ATAD2B: variants seen among roughly 807,000 people sequenced by gnomAD.
The protein encoded by ATAD2B is ATPase family AAA domain containing 2B.
ATAD2B carries 40 observed loss-of-function variants against 167.6 expected under a neutral mutation model. That is an observed-to-expected ratio of 0.24 (90% CI 0.19 to 0.31). The LOEUF (loss-of-function observed/expected upper bound fraction) is 0.31. ATAD2B is among the 10% of genes least tolerant of loss of function. ATAD2B has a pLI of 1.00. For synonymous variants in ATAD2B, 579 were observed against 596.5 expected (o/e 0.97, Z 0.43); for missense variants, 1,242 against 1,757.2 (o/e 0.71, Z 5.24).
chr2:23,736,690 T>A, the ATAD2B span, among the ~76,000 whole-genome samples: 1 of 152,028 alleles, frequency 6.6e-6, no homozygotes, highest in Non-Finnish European at 1.5e-5. Context: ...TGCCAGACAG[T>A]AGGTGCAAGA....
the ATAD2B span, chr2:23,707,442 T>C: frequency 6.6e-6 from 1 of 152,200 alleles, no homozygotes; most frequent in Admixed American, 6.5e-5. Flanking sequence ...AGGGATAATG[T>C]TGTGGGAATT....
At chr2:23,834,416 C>T (rs892666473) in intron 13 of ATAD2B, among the ~76,000 whole-genome samples, 1 of 151,944 alleles carries the variant, frequency 6.6e-6, no homozygotes, top group Admixed American at 6.6e-5. Flanking sequence ...CCTGCCTCGG[C>T]CTCGCAAAGT....
chr2:23,687,523 C>T, the ATAD2B span, among the ~76,000 whole-genome samples: 6 of 152,214 alleles, frequency 3.9e-5, no homozygotes, highest in African/African-American at 1.4e-4. Context: ...AGGAGCCCCT[C>T]CTGGGGCCGG....
At chr2:23,907,369 T>C (rs1573385034) in intron 1 of ATAD2B, among the ~76,000 whole-genome samples, 2 of 151,920 alleles carry the variant, frequency 1.3e-5, no homozygotes, top group South Asian at 2.1e-4. Flanking sequence ...CCATTCACAA[T>C]TGCTTCAAAG....
At chr2:23,713,484 A>T in the ATAD2B span, among the ~76,000 whole-genome samples, 2 of 151,978 alleles carry the variant, frequency 1.3e-5, no homozygotes, top group African/African-American at 4.8e-5. Flanking sequence ...TTTTCAGTAT[A>T]TTCACGAATT....
At chr2:23,913,057 C>T (rs1226968260) in intron 1 of ATAD2B, among the ~76,000 whole-genome samples, 4 of 152,138 alleles carry the variant, frequency 2.6e-5, no homozygotes, top group African/African-American at 9.7e-5. Context: ...TTTTGAGTAT[C>T]TGACCAATCA....
intron 13 of ATAD2B, among the ~76,000 whole-genome samples, chr2:23,841,364 T>G (rs998386102): frequency 6.6e-6 from 1 of 152,206 alleles, no homozygotes; most frequent in Admixed American, 6.5e-5. Context: ...TACCAACTGT[T>G]AGTATTTACG....
chr2:23,764,293 TTAAAATCCTTCAATGATTTC>T (rs1458692649), intron 23 of ATAD2B, among the ~76,000 whole-genome samples: 1 of 152,240 alleles, frequency 6.6e-6, no homozygotes, highest in Non-Finnish European at 1.5e-5. Flanking sequence ...ATTTCACTGC[TTAAAATCCTTCAATGATTTC>T]TATTGCCTAT....
Position 23,751,058 on chromosome 2 carries a change from A to G in ATAD2B, c.*988T>C, listed in dbSNP as rs1675295401. On this transcript the variant is annotated 3_prime_UTR_variant, in exon 28 of 28. Coordinates refer to ENST00000238789, the MANE Select transcript of ATAD2B (RefSeq NM_017552.4). ...AAACAACAATTTACTACATATGAAA[A>G]CCATTTTTCTCTGGGAACTCAAACA... 6.6e-6 allele frequency: 1 copy of G among 152,058 alleles called. No individual in the cohort carries two copies. Among genetic ancestry groups the G allele is most frequent in the Non-Finnish European group, 1.5e-5 (1 of 68,002 alleles). The allele number at this position is 152,058 out of a possible 1,614,324, so 9.4% of individuals were successfully genotyped here.
chr2:23,922,605 A>T (rs1323558959), intron 1 of ATAD2B, among the ~76,000 whole-genome samples: 1 of 152,004 alleles, frequency 6.6e-6, no homozygotes, highest in Admixed American at 6.6e-5. Flanking sequence ...GTACTCCTAC[A>T]ACTCCAAAGG....
At chr2:23,687,506 AACAC>A in the ATAD2B span, among the ~76,000 whole-genome samples, 1 of 152,194 alleles carries the variant, frequency 6.6e-6, no homozygotes, top group Non-Finnish European at 1.5e-5. Flanking sequence ...TCACTCAGCA[AACAC>A]ACAGGAGCCC....
chr2:23,693,936 T>G, the ATAD2B span, among the ~76,000 whole-genome samples: 1 of 152,156 alleles, frequency 6.6e-6, no homozygotes, highest in Non-Finnish European at 1.5e-5. Flanking sequence ...GGGACTGTGT[T>G]GGGTAAACAG....
chr2:23,694,244 C>T, the ATAD2B span, among the ~76,000 whole-genome samples: 4 of 152,242 alleles, frequency 2.6e-5, no homozygotes, highest in East Asian at 3.9e-4. Context: ...CTTATTTCAG[C>T]GATGCCTGGT....
chr2:23,766,920 G>GGA (rs1553375555), intron 22 of ATAD2B, among the ~76,000 whole-genome samples: 3 of 144,232 alleles, frequency 2.1e-5, no homozygotes, highest in East Asian at 2.0e-4. Context: ...AGTAAGGGGG[G>GGA]AAAAAAAAAA....
intron 7 of ATAD2B, among the ~76,000 whole-genome samples, chr2:23,879,235 C>A (rs1697489033): frequency 6.6e-6 from 1 of 151,758 alleles, no homozygotes; most frequent in Non-Finnish European, 1.5e-5. Context: ...TGGAAAGGAT[C>A]ATAATGTCAC....
intron 1 of ATAD2B, among the ~76,000 whole-genome samples, chr2:23,923,371 GT>G (rs775511983): frequency 8.1e-4 from 123 of 152,200 alleles, no homozygotes; most frequent in South Asian, 2.1e-3. Flanking sequence ...GGACAATCAA[GT>G]TTCACTTATG....
At chr2:23,691,936 C>T in the ATAD2B span, 1 of 1,488,060 alleles carries the variant, frequency 6.7e-7, no homozygotes, top group Non-Finnish European at 9.1e-7. Flanking sequence ...CGGAGAACTC[C>T]ATAAACAGCA....
chr2:23,816,081 A>G (rs1223898770), intron 17 of ATAD2B, among the ~76,000 whole-genome samples: 1 of 152,236 alleles, frequency 6.6e-6, no homozygotes, highest in Admixed American at 6.5e-5. Flanking sequence ...GAACAAATGA[A>G]CAAGTCAACT....
intron 1 of ATAD2B, among the ~76,000 whole-genome samples, chr2:23,921,829 A>G (rs79815174): frequency 0.039 from 5,892 of 152,280 alleles, 110 homozygotes; most frequent in South Asian, 0.046. Flanking sequence ...CTGATACAGT[A>G]TAAGGAAAAA....
Sources: gnomAD v4.1 joint callset for allele counts (sites outside exome capture counted in the v4.1 genomes callset) on GRCh38, gnomAD v4.1.1 for gene constraint, MANE v1.5 for transcripts, NCBI Gene and HGNC (gene_info 2026-07-23, HGNC 2026-07-21) for gene names.